TEX11: variants seen among roughly 807,000 people sequenced by gnomAD.
The protein encoded by TEX11 is testis-expressed protein 11.
TEX11 carries 7 observed loss-of-function variants against 84.4 expected under a neutral mutation model. The ratio of observed to expected loss-of-function variants is 0.08; its 90% CI spans 0.05 to 0.16. TEX11 has a LOEUF of 0.16. Among genes scored for constraint, TEX11 ranks in the 10% least tolerant of loss-of-function variants. The pLI is 1.00. For synonymous variants in TEX11, 264 were observed against 222.8 expected (o/e 1.18, Z -1.64); for missense variants, 551 against 660.5 (o/e 0.83, Z 1.82).
At chrX:70,746,638 T>A (rs1015977394) in intron 9 of TEX11, among the ~76,000 whole-genome samples, 7 of 111,927 alleles carry the variant, frequency 6.3e-5, no homozygotes, top group African/African-American at 2.3e-4. Context: ...CTGAGGGGAA[T>A]GATGTATTTA....
At chrX:70,700,104 A>G (rs933359151) in intron 13 of TEX11, among the ~76,000 whole-genome samples, 1 of 58,431 alleles carries the variant, frequency 1.7e-5, no homozygotes, top group East Asian at 7.9e-4. Context: ...TACAGTTACT[A>G]GTTTTTTGTT....
At chrX:70,701,918 T>C (rs12837920) in intron 13 of TEX11, among the ~76,000 whole-genome samples, 47,133 of 110,347 alleles carry the variant, frequency 0.43, 8,480 homozygotes, top group East Asian at 0.58. Flanking sequence ...GAAGATATGA[T>C]TGAATTGCTG....
At chrX:70,598,849 G>GGAAAA (rs2089046672) in intron 24 of TEX11, among the ~76,000 whole-genome samples, 3 of 112,213 alleles carry the variant, frequency 2.7e-5, no homozygotes, top group African/African-American at 9.7e-5. Flanking sequence ...ATCTGGAATA[G>GGAAAA]GCAAGCCTAT....
intron 11 of TEX11, among the ~76,000 whole-genome samples, chrX:70,732,783 C>G (rs2090664457): frequency 9.0e-6 from 1 of 111,453 alleles, no homozygotes; most frequent in African/African-American, 3.3e-5. Flanking sequence ...ACTTTCTTCA[C>G]AGAATTGGAA....
intron 9 of TEX11, among the ~76,000 whole-genome samples, chrX:70,788,973 T>TAGAGAGAGAGAGAG (rs35956435): frequency 1.0e-4 from 1 of 9,560 alleles, no homozygotes; most frequent in Non-Finnish European, 1.8e-4. Flanking sequence ...TATATATATA[T>TAGAGAGAGAGAGAG]AGAGAGAGAG....
intron 18 of TEX11, among the ~76,000 whole-genome samples, chrX:70,628,148 T>G (rs966061632): frequency 9.2e-6 from 1 of 108,702 alleles, no homozygotes; most frequent in African/African-American, 3.4e-5. Context: ...AAGAATCACT[T>G]GAACCTGAGA....
intron 15 of TEX11, among the ~76,000 whole-genome samples, chrX:70,675,064 C>T (rs2090058892): frequency 1.8e-5 from 2 of 110,756 alleles, no homozygotes; most frequent in Admixed American, 9.6e-5. Flanking sequence ...TGGTATACTT[C>T]CATTTCTCTC....
chrX:70,788,326 A>G (rs1342050562), intron 9 of TEX11, among the ~76,000 whole-genome samples: 1 of 111,601 alleles, frequency 9.0e-6, no homozygotes, highest in Non-Finnish European at 1.9e-5. Flanking sequence ...GTGTCAACCA[A>G]TGGAACAGAA....
At chrX:70,523,594 G>A in the TEX11 span, among the ~76,000 whole-genome samples, 2 of 110,177 alleles carry the variant, frequency 1.8e-5, no homozygotes, top group African/African-American at 6.6e-5. Flanking sequence ...CTCCCGAGTA[G>A]CTGGGACTAC....
intron 2 of TEX11, 148 bp downstream of exon 2, chrX:70,907,605 G>A (rs1441036884): frequency 2.1e-5 from 9 of 426,392 alleles, no homozygotes; most frequent in Non-Finnish European, 3.8e-5. Flanking sequence ...TGTTGGTCAG[G>A]CTGGTCTCGA....
chrX:70,883,411 C>T (rs887151758), intron 2 of TEX11, among the ~76,000 whole-genome samples: 1 of 111,225 alleles, frequency 9.0e-6, no homozygotes, highest in African/African-American at 3.3e-5. Flanking sequence ...TAGACAGACC[C>T]CATCTTTACA....
intron 10 of TEX11, among the ~76,000 whole-genome samples, chrX:70,743,862 C>G (rs1209808957): frequency 1.1e-5 from 1 of 88,702 alleles, no homozygotes; most frequent in East Asian, 3.9e-4. Context: ...GAGCGAGACT[C>G]TATCTCAAAA....
intron 25 of TEX11, among the ~76,000 whole-genome samples, chrX:70,564,549 C>T (rs1055847905): frequency 3.0e-5 from 3 of 98,755 alleles, no homozygotes; most frequent in East Asian, 3.3e-4. Flanking sequence ...AGCTATCCCT[C>T]GCCCCTCCCC....
At chrX:70,834,471 G>T (rs2091394004) in intron 7 of TEX11, among the ~76,000 whole-genome samples, 1 of 111,038 alleles carries the variant, frequency 9.0e-6, no homozygotes, top group Non-Finnish European at 1.9e-5. Context: ...GAAGAACTTA[G>T]TTGGCCAGGA....
At chrX:70,825,913 G>A (rs907735529) in intron 8 of TEX11, among the ~76,000 whole-genome samples, 2 of 111,610 alleles carry the variant, frequency 1.8e-5, no homozygotes, top group African/African-American at 6.5e-5. Flanking sequence ...GGGAGACAGA[G>A]GTTGCAGTGA....
chrX:70,768,868 A>G (rs2069682448), intron 9 of TEX11, among the ~76,000 whole-genome samples: 2 of 112,283 alleles, frequency 1.8e-5, no homozygotes, highest in Non-Finnish European at 3.8e-5. Flanking sequence ...AGGCCATAGT[A>G]GATTTAACAG....
At chrX:70,616,630 C>T (rs761744516) in intron 20 of TEX11, among the ~76,000 whole-genome samples, 80 of 111,729 alleles carry the variant, frequency 7.2e-4, no homozygotes, top group African/African-American at 2.5e-3. Context: ...CCCAAGTGTC[C>T]GTCAACAGAT....
At chrX:70,641,756 C>T (rs1192182994) in intron 17 of TEX11, among the ~76,000 whole-genome samples, 4 of 109,763 alleles carry the variant, frequency 3.6e-5, no homozygotes, top group Admixed American at 1.9e-4. Flanking sequence ...ATCTCTGGGA[C>T]ACATTCAAAG....
intron 13 of TEX11, among the ~76,000 whole-genome samples, chrX:70,719,919 G>C: frequency 9.0e-6 from 1 of 111,342 alleles, no homozygotes; most frequent in Non-Finnish European, 1.9e-5. Context: ...TACACTGTTG[G>C]TGGGACTGTA....
Sources: allele counts gnomAD v4.1 joint callset (sites outside exome capture counted in the v4.1 genomes callset), GRCh38; gene constraint gnomAD v4.1.1; transcripts MANE v1.5; gene names NCBI Gene and HGNC (gene_info 2026-07-23, HGNC 2026-07-21).